Variants in CDH13 observed in about 807,000 individuals in gnomAD.
CDH13 encodes cadherin-13.
CDH13 carries 24 observed loss-of-function variants against 63.8 expected under a neutral mutation model. The ratio of observed to expected loss-of-function variants is 0.38; its 90% CI spans 0.27 to 0.53. CDH13 has a LOEUF of 0.53. CDH13 is among the 20% of genes least tolerant of loss of function. The pLI, the probability that CDH13 is intolerant of heterozygous loss-of-function variation, is 0.85. For synonymous variants in CDH13, 503 were observed against 355.3 expected (o/e 1.42, Z -4.67); for missense variants, 1,049 against 903.1 (o/e 1.16, Z -2.07).
chr16:82,813,452 T>C (rs943567642), intron 1 of CDH13, among the ~76,000 whole-genome samples: 10 of 152,214 alleles, frequency 6.6e-5, no homozygotes, highest in African/African-American at 2.2e-4. Context: ...ATGTAGACTC[T>C]TCTGTGCATC....
At chr16:82,868,059 G>C (rs1433748565) in intron 2 of CDH13, among the ~76,000 whole-genome samples, 1 of 152,174 alleles carries the variant, frequency 6.6e-6, no homozygotes, top group South Asian at 2.1e-4. Flanking sequence ...TTCAGGTTGG[G>C]AGACTGATTA....
chr16:82,738,740 C>G (rs921313098), intron 1 of CDH13, among the ~76,000 whole-genome samples: 9 of 152,188 alleles, frequency 5.9e-5, no homozygotes, highest in African/African-American at 2.2e-4. Context: ...GGGAAAATGT[C>G]ATCTCTTTCT....
At chr16:82,884,125 A>G in intron 2 of CDH13, 1 of 451,874 alleles carries the variant, frequency 2.2e-6, no homozygotes, top group East Asian at 6.9e-5. Flanking sequence ...TGTTGATTGA[A>G]TGCATGTCTG....
chr16:83,331,264 C>T (rs75008210), intron 5 of CDH13, among the ~76,000 whole-genome samples: 1,988 of 152,262 alleles, frequency 0.013, 38 homozygotes, highest in African/African-American at 0.042. Flanking sequence ...GTGATAACAG[C>T]GATGGCTCCA....
intron 1 of CDH13, among the ~76,000 whole-genome samples, chr16:82,690,091 C>A (rs1362753133): frequency 2.2e-5 from 3 of 135,304 alleles, no homozygotes; most frequent in African/African-American, 8.4e-5. Flanking sequence ...TTGCTTGAAC[C>A]TGGGAGGCAG....
At chr16:82,634,900 C>G (rs1004622308) in intron 1 of CDH13, among the ~76,000 whole-genome samples, 4 of 152,208 alleles carry the variant, frequency 2.6e-5, no homozygotes, top group African/African-American at 9.7e-5. Context: ...TATGGAGGAT[C>G]TACTATGTTC....
chr16:82,743,698 G>A (rs750066538), intron 1 of CDH13, among the ~76,000 whole-genome samples: 29 of 152,122 alleles, frequency 1.9e-4, no homozygotes, highest in Non-Finnish European at 2.8e-4. Flanking sequence ...TGTGAATATG[G>A]AAAACATGTC....
chr16:82,844,731 C>G (rs541503637), intron 1 of CDH13: 23 of 147,744 alleles, frequency 1.6e-4, no homozygotes, highest in Admixed American at 4.7e-4. Context: ...GCTCCGCCTC[C>G]CGGGTTCACG....
chr16:83,697,319 A>G (rs1905537341), intron 10 of CDH13, among the ~76,000 whole-genome samples: 1 of 152,052 alleles, frequency 6.6e-6, no homozygotes, highest in South Asian at 2.1e-4. Flanking sequence ...CCTTTTTGTG[A>G]TCTGTTTAGT....
At chr16:82,942,710 A>G (rs746683942) in intron 2 of CDH13, among the ~76,000 whole-genome samples, 27 of 152,180 alleles carry the variant, frequency 1.8e-4, no homozygotes, top group Middle Eastern at 6.3e-3. Context: ...AAGAAGTCAA[A>G]TAACCTCATT....
chr16:83,062,015 G>A (rs1408521669), intron 3 of CDH13, among the ~76,000 whole-genome samples: 1 of 152,212 alleles, frequency 6.6e-6, no homozygotes, highest in Non-Finnish European at 1.5e-5. Flanking sequence ...ATGGGAAAAG[G>A]AAGAGGGAAG....
intron 5 of CDH13, among the ~76,000 whole-genome samples, chr16:83,244,564 G>A (rs984468179): frequency 2.0e-5 from 3 of 152,122 alleles, no homozygotes; most frequent in African/African-American, 7.2e-5. Context: ...GCAAACTGTT[G>A]ATGAATGCTA....
chr16:83,144,486 A>C (rs2036662955), intron 4 of CDH13, among the ~76,000 whole-genome samples: 1 of 152,240 alleles, frequency 6.6e-6, no homozygotes. Context: ...TCAGCAATAC[A>C]TGATCAGATA....
At chr16:83,111,389 G>A (rs9924802) in intron 3 of CDH13, among the ~76,000 whole-genome samples, 155 of 152,264 alleles carry the variant, frequency 1.0e-3, no homozygotes, top group African/African-American at 3.4e-3. Context: ...CTTCCTGGGA[G>A]AGGTGACATT....
chr16:83,592,997 A>T (rs1906908746), intron 7 of CDH13, among the ~76,000 whole-genome samples: 1 of 152,086 alleles, frequency 6.6e-6, no homozygotes, highest in Non-Finnish European at 1.5e-5. Flanking sequence ...TTTATGGACT[A>T]CCTATTCCCA....
chr16:83,134,544 G>GGAGA (rs67135267), intron 4 of CDH13, among the ~76,000 whole-genome samples: 934 of 84,214 alleles, frequency 0.011, 48 homozygotes, highest in East Asian at 0.022. Context: ...TGGGGTGGGG[G>GGAGA]GAGAGAGAGA....
At chr16:82,724,186 T>G (rs1415141985) in intron 1 of CDH13, among the ~76,000 whole-genome samples, 1 of 152,216 alleles carries the variant, frequency 6.6e-6, no homozygotes, top group Non-Finnish European at 1.5e-5. Flanking sequence ...ATTTCTCATT[T>G]TTGTTCTCAG....
At chr16:82,793,632 G>A (rs181338145) in intron 1 of CDH13, among the ~76,000 whole-genome samples, 5 of 152,212 alleles carry the variant, frequency 3.3e-5, no homozygotes, top group Admixed American at 6.5e-5. Flanking sequence ...TTTTATGCCC[G>A]ATATAGTAAC....
intron 1 of CDH13, among the ~76,000 whole-genome samples, chr16:82,806,924 G>A (rs10445103): frequency 0.32 from 47,887 of 152,000 alleles, 8,498 homozygotes; most frequent in South Asian, 0.43. Context: ...AGCAAGGAGT[G>A]ATCAGATGTG....
Sources: gnomAD v4.1 joint callset for allele counts (sites outside exome capture counted in the v4.1 genomes callset) on GRCh38, gnomAD v4.1.1 for gene constraint, MANE v1.5 for transcripts, NCBI Gene and HGNC (gene_info 2026-07-23, HGNC 2026-07-21) for gene names.